TRAPPC9: variants seen among roughly 807,000 people sequenced by gnomAD.
TRAPPC9 encodes trafficking protein particle complex subunit 9.
Under a neutral mutation model 124.0 loss-of-function variants are expected in TRAPPC9, and 83 were observed. The observed-to-expected ratio is 0.67, with a 90% CI of 0.56 to 0.80. The LOEUF is 0.80. Ranked by LOEUF, TRAPPC9 falls within the 30% of genes least tolerant of loss-of-function variation. TRAPPC9 has a pLI of 0.00. For synonymous variants in TRAPPC9, 638 were observed against 617.5 expected (o/e 1.03, Z -0.49); for missense variants, 1,302 against 1,508.3 (o/e 0.86, Z 2.27).
chr8:139,811,567 G>C (rs750912002), intron 21 of TRAPPC9, among the ~76,000 whole-genome samples: 2 of 152,244 alleles, frequency 1.3e-5, no homozygotes, highest in Non-Finnish European at 2.9e-5. Context: ...GGCTTCCCAA[G>C]AGAAGCAAGC....
intron 17 of TRAPPC9, among the ~76,000 whole-genome samples, chr8:140,174,213 G>A (rs1426906757): frequency 3.3e-5 from 5 of 152,028 alleles, no homozygotes; most frequent in Non-Finnish European, 2.9e-5. Flanking sequence ...ACACACTGAG[G>A]CCTCTTGGAG....
At chr8:140,161,697 G>C (rs1175484011) in intron 17 of TRAPPC9, among the ~76,000 whole-genome samples, 4 of 152,104 alleles carry the variant, frequency 2.6e-5, no homozygotes. Flanking sequence ...TGGATTTCAA[G>C]TTAGGGATGC....
rs141640964 is a variant in TRAPPC9 at position 139,795,967 on chromosome 8, G to A, written c.3056-63765C>T. Reference sequence around the variant, plus strand: ...TCAAATTGCTGTCTTTAAGAATCTCGCACCCTTGGTAAGAGCATGAAATGG... The same window carrying A: ...TCAAATTGCTGTCTTTAAGAATCTCACACCCTTGGTAAGAGCATGAAATGG... On this transcript the variant is annotated intron_variant, in intron 21 of 22. Transcript: ENST00000438773. Among the ~76,000 whole-genome samples the A allele has an allele frequency of 4.8e-4, 73 of 152,084 alleles. 1 individual carries two copies. The East Asian group carries it at 0.012, about 25-fold the overall frequency.
At chr8:140,205,595 G>T (rs1371638682) in intron 17 of TRAPPC9, among the ~76,000 whole-genome samples, 1 of 152,204 alleles carries the variant, frequency 6.6e-6, no homozygotes, top group African/African-American at 2.4e-5. Flanking sequence ...TGCACTACAT[G>T]AACTATTTTA....
intron 19 of TRAPPC9, among the ~76,000 whole-genome samples, chr8:139,979,434 C>T (rs990104784): frequency 2.6e-5 from 4 of 152,186 alleles, no homozygotes; most frequent in Admixed American, 1.3e-4. Context: ...CGAACGGACA[C>T]GGGTGCTGCT....
chr8:140,060,733 G>A (rs1221463585), intron 17 of TRAPPC9, among the ~76,000 whole-genome samples: 1 of 152,162 alleles, frequency 6.6e-6, no homozygotes. Context: ...AAGGATTAGG[G>A]GGAAGGATTT....
intron 18 of TRAPPC9, among the ~76,000 whole-genome samples, chr8:139,995,331 T>A (rs1442935527): frequency 6.6e-6 from 1 of 152,170 alleles, no homozygotes; most frequent in Admixed American, 6.5e-5. Flanking sequence ...AGTAGGAGAA[T>A]CCCTGAGTCT....
intron 19 of TRAPPC9, among the ~76,000 whole-genome samples, chr8:139,979,247 G>A (rs937267859): frequency 2.0e-5 from 3 of 152,290 alleles, no homozygotes; most frequent in Admixed American, 1.3e-4. Context: ...AACCGTGTAG[G>A]TGGTGAGAGC....
chr8:140,348,932 A>G (rs1311379422), intron 9 of TRAPPC9, among the ~76,000 whole-genome samples: 1 of 152,050 alleles, frequency 6.6e-6, no homozygotes, highest in African/African-American at 2.4e-5. Flanking sequence ...GAGCTGGGAA[A>G]AGGAAGAAAG....
intron 18 of TRAPPC9, among the ~76,000 whole-genome samples, chr8:140,014,336 T>C (rs1217135483): frequency 6.6e-6 from 1 of 152,088 alleles, no homozygotes; most frequent in Non-Finnish European, 1.5e-5. Context: ...CCTAACAAGG[T>C]TACCAGGCAG....
intron 21 of TRAPPC9, among the ~76,000 whole-genome samples, chr8:139,760,378 C>A (rs892049498): frequency 2.6e-5 from 4 of 152,104 alleles, no homozygotes; most frequent in South Asian, 2.1e-4. Context: ...TCTGCTTGGC[C>A]CCTCCCTCCC....
intron 21 of TRAPPC9, among the ~76,000 whole-genome samples, chr8:139,763,193 T>C (rs1426902208): frequency 6.6e-6 from 1 of 152,200 alleles, no homozygotes; most frequent in Non-Finnish European, 1.5e-5. Context: ...AAGCCAGGCT[T>C]TATAGAGGAA....
At chr8:140,111,661 G>A (rs1308553086) in intron 17 of TRAPPC9, among the ~76,000 whole-genome samples, 1 of 152,238 alleles carries the variant, frequency 6.6e-6, no homozygotes, top group Non-Finnish European at 1.5e-5. Flanking sequence ...CATTAAAAGA[G>A]TCCCAATGTG....
chr8:140,217,048 G>A (rs1587945222), intron 17 of TRAPPC9, among the ~76,000 whole-genome samples: 1 of 152,142 alleles, frequency 6.6e-6, no homozygotes, highest in African/African-American at 2.4e-5. Flanking sequence ...CTAAAAAGGA[G>A]GCCCCTGAAA....
Position 140,454,422 on chromosome 8 carries a change from T to A in TRAPPC9, c.-10-3039A>T, listed in dbSNP as rs745757928. On this transcript the variant is annotated intron_variant, in intron 1 of 22. Transcript: ENST00000438773. ...GGGAGGCGGAGGCAGGCAGATCACT[T>A]GAGGTCAGGAGTTGGAGACCAGCCT... 2.6e-5 allele frequency among the ~76,000 whole-genome samples: 4 copies of A among 152,170 alleles called. No homozygotes were observed. In the South Asian group the frequency reaches 8.3e-4, roughly 32 times the overall value.
intron 15 of TRAPPC9, among the ~76,000 whole-genome samples, chr8:140,274,153 T>C (rs998428914): frequency 2.6e-5 from 4 of 152,046 alleles, no homozygotes; most frequent in South Asian, 4.1e-4. Flanking sequence ...TTGCCACTTA[T>C]GGCCTCACTC....
At chr8:139,917,511 G>A (rs1211371867) in intron 19 of TRAPPC9, among the ~76,000 whole-genome samples, 2 of 152,164 alleles carry the variant, frequency 1.3e-5, no homozygotes, top group African/African-American at 2.4e-5. Context: ...GGAAAGATAA[G>A]CTGTATTTTG....
chr8:139,858,346 C>T (rs146020616), intron 21 of TRAPPC9, among the ~76,000 whole-genome samples: 10 of 152,334 alleles, frequency 6.6e-5, no homozygotes, highest in Non-Finnish European at 1.0e-4. Context: ...TGCATCTTTG[C>T]GTGATGCTTG....
intron 7 of TRAPPC9, among the ~76,000 whole-genome samples, chr8:140,379,129 T>C (rs1316658205): frequency 6.6e-6 from 1 of 152,126 alleles, no homozygotes; most frequent in Non-Finnish European, 1.5e-5. Flanking sequence ...TAAAAAACAT[T>C]GCTCAGTCCA....
Sources: gnomAD v4.1 joint callset for allele counts (sites outside exome capture counted in the v4.1 genomes callset) on GRCh38, gnomAD v4.1.1 for gene constraint, MANE v1.5 for transcripts, NCBI Gene and HGNC (gene_info 2026-07-23, HGNC 2026-07-21) for gene names.